Variants in B3GALT1 observed in about 807,000 individuals in gnomAD.
B3GALT1 encodes the protein beta-1,3-galactosyltransferase 1.
In B3GALT1, 10 loss-of-function variants were observed where a neutral mutation model predicts 23.2. The observed-to-expected ratio is 0.43, with a 90% CI of 0.27 to 0.73. The LOEUF (loss-of-function observed/expected upper bound fraction) is 0.73. Ranked by LOEUF, B3GALT1 falls within the 30% of genes least tolerant of loss-of-function variation. The pLI is 0.21. For synonymous variants in B3GALT1, 156 were observed against 141.5 expected (o/e 1.10, Z -0.73); for missense variants, 299 against 405.4 (o/e 0.74, Z 2.25).
intron 3 of B3GALT1, among the ~76,000 whole-genome samples, chr2:167,665,679 G>C (rs1289751461): frequency 1.3e-5 from 2 of 151,974 alleles, no homozygotes; most frequent in African/African-American, 2.4e-5. Flanking sequence ...ACTTCTTCCT[G>C]GTTTAGTCTT....
chr2:167,452,203 A>G (rs912662073), intron 1 of B3GALT1, among the ~76,000 whole-genome samples: 1 of 151,302 alleles, frequency 6.6e-6, no homozygotes, highest in Admixed American at 6.6e-5. Flanking sequence ...CCCTCCCTCA[A>G]CTTCTGTCTT....
At chr2:167,741,085 T>C (rs76543387) in intron 3 of B3GALT1, among the ~76,000 whole-genome samples, 1,577 of 152,304 alleles carry the variant, frequency 0.01, 28 homozygotes, top group African/African-American at 0.036. Flanking sequence ...CACTTTTCTT[T>C]GTCTCTCTCT....
At chr2:167,379,808 G>A (rs1486953856) in intron 1 of B3GALT1, among the ~76,000 whole-genome samples, 2 of 152,230 alleles carry the variant, frequency 1.3e-5, no homozygotes, top group African/African-American at 4.8e-5. Flanking sequence ...CCAAGGTAGA[G>A]GTGTGCGTAG....
intron 2 of B3GALT1, among the ~76,000 whole-genome samples, chr2:167,507,813 C>T (rs1699943900): frequency 1.3e-5 from 2 of 152,284 alleles, no homozygotes; most frequent in South Asian, 4.1e-4. Context: ...CAAGACAAAT[C>T]ATAATTGTCT....
chr2:167,512,190 GA>G (rs1297528459), intron 2 of B3GALT1, among the ~76,000 whole-genome samples: 1 of 151,658 alleles, frequency 6.6e-6, no homozygotes, highest in Non-Finnish European at 1.5e-5. Flanking sequence ...AACATTAGCT[GA>G]AAAAAATTCA....
intron 3 of B3GALT1, among the ~76,000 whole-genome samples, chr2:167,794,705 C>T (rs542184606): frequency 6.6e-6 from 1 of 152,306 alleles, no homozygotes; most frequent in South Asian, 2.1e-4. Context: ...ATTTGTTGAG[C>T]AAATCCTTTT....
At position 167,585,266 on chromosome 2, in the gene B3GALT1, A is replaced by C. The variant is rs147006234; in HGVS notation, c.-409-61643A>C. Among the ~76,000 whole-genome samples, 71 of 152,296 alleles carry C rather than the reference A, an allele frequency of 4.7e-4. No homozygotes were observed. In the East Asian group the frequency reaches 0.013, roughly 28 times the overall value. ...GTGTCATGGTTCTAAGCAAACCGAAATTGGGAGTTCAGTACCTATATTCAG... is the reference window on the plus strand; with the variant it reads ...GTGTCATGGTTCTAAGCAAACCGAACTTGGGAGTTCAGTACCTATATTCAG... On this transcript the variant is annotated intron_variant, in intron 2 of 4. Coordinates refer to ENST00000392690, the MANE Select transcript of B3GALT1 (RefSeq NM_020981.4).
At chr2:167,694,592 A>G (rs545518617) in intron 3 of B3GALT1, among the ~76,000 whole-genome samples, 1 of 152,154 alleles carries the variant, frequency 6.6e-6, no homozygotes, top group Non-Finnish European at 1.5e-5. Flanking sequence ...GTAAGAAAAA[A>G]AAGTTGGCTA....
chr2:167,345,579 T>C (rs1381748246), intron 1 of B3GALT1, among the ~76,000 whole-genome samples: 1 of 152,186 alleles, frequency 6.6e-6, no homozygotes, highest in Non-Finnish European at 1.5e-5. Flanking sequence ...ACAGAGTTTA[T>C]GTATTTTGAA....
intron 2 of B3GALT1, among the ~76,000 whole-genome samples, chr2:167,572,125 CAGAAGTAAAGG>C (rs1261115649): frequency 6.6e-6 from 1 of 151,586 alleles, no homozygotes; most frequent in African/African-American, 2.4e-5. Flanking sequence ...TTAGTAGAAA[CAGAAGTAAAGG>C]GAAGAACAAT....
intron 4 of B3GALT1, among the ~76,000 whole-genome samples, chr2:167,867,071 C>T (rs944266911): frequency 2.7e-4 from 41 of 151,842 alleles, no homozygotes; most frequent in Non-Finnish European, 5.2e-4. Context: ...GGACTACAGG[C>T]ACCCGCCACT....
At chr2:167,541,613 CTG>C (rs1194379859) in intron 2 of B3GALT1, among the ~76,000 whole-genome samples, 1 of 152,044 alleles carries the variant, frequency 6.6e-6, no homozygotes, top group Non-Finnish European at 1.5e-5. Context: ...TTCTTTTTAT[CTG>C]TACAGATAGA....
At chr2:167,794,282 T>C (rs1158752598) in intron 3 of B3GALT1, among the ~76,000 whole-genome samples, 1 of 152,246 alleles carries the variant, frequency 6.6e-6, no homozygotes, top group Non-Finnish European at 1.5e-5. Context: ...GTGAGCCTAA[T>C]GAATGTATGT....
At position 167,707,626 on chromosome 2, in the gene B3GALT1, A is replaced by C. The variant is rs1037874759; in HGVS notation, c.-352+60660A>C. ...TCACAAGACATTGCTTCTGCCTCTC[A>C]CTTCCACTTTGAAGGCTCCTTGTGA... On this transcript the variant is annotated intron_variant, in intron 3 of 4. Transcript: ENST00000392690. Among the ~76,000 whole-genome samples, 7 of 151,780 alleles carry C rather than the reference A, an allele frequency of 4.6e-5. No homozygotes were observed. The East Asian group carries it at 5.8e-4, about 13-fold the overall frequency.
chr2:167,720,106 T>A (rs1200352692), intron 3 of B3GALT1, among the ~76,000 whole-genome samples: 3 of 152,130 alleles, frequency 2.0e-5, no homozygotes, highest in African/African-American at 7.2e-5. Context: ...ATATATATAT[T>A]TTTTACATAA....
chr2:167,526,194 C>A (rs1475336080), intron 2 of B3GALT1, among the ~76,000 whole-genome samples: 1 of 152,096 alleles, frequency 6.6e-6, no homozygotes, highest in Non-Finnish European at 1.5e-5. Flanking sequence ...GTAACACACA[C>A]ACACACACAC....
intron 4 of B3GALT1, among the ~76,000 whole-genome samples, chr2:167,839,397 G>C (rs1490396510): frequency 1.4e-3 from 214 of 152,256 alleles, no homozygotes; most frequent in African/African-American, 5.0e-3. Context: ...GACAAACAGA[G>C]AGCCAAATCA....
chr2:167,737,112 C>T (rs897722512), intron 3 of B3GALT1, among the ~76,000 whole-genome samples: 11 of 151,988 alleles, frequency 7.2e-5, no homozygotes, highest in African/African-American at 2.7e-4. Context: ...TTTAGATCTC[C>T]TTGTCTTTCA....
Position 167,869,327 on chromosome 2 carries a change from A to G in B3GALT1, c.288A>G (p.Ala96=). 1 of 1,614,190 alleles carries G rather than the reference A, an allele frequency of 6.2e-7. No homozygotes were observed. Among genetic ancestry groups the G allele is most frequent in the Admixed American group, 1.7e-5 (1 of 60,016 alleles). ...TTHKEFDARQ[A]IRETWGDENN... ...ACAAGGAATTTGATGCCCGTCAGGC[A>G]ATCAGAGAGACGTGGGGGGATGAGA... is the stretch of plus-strand genomic sequence containing the variant. Residue 96 remains alanine, a synonymous_variant, in exon 5 of 5, where the codon GCA becomes GCG. Transcript: ENST00000392690. The surrounding 1 kb of genome is among the most constrained non-coding windows in gnomAD (Gnocchi z 6.4).
Sources: gnomAD v4.1 joint callset for allele counts (sites outside exome capture counted in the v4.1 genomes callset) on GRCh38, gnomAD v4.1.1 for gene constraint, Gnocchi (gnomAD v3.1) non-coding constraint, MANE v1.5 for transcripts, NCBI Gene and HGNC (gene_info 2026-07-23, HGNC 2026-07-21) for gene names.